GRB10: variants seen among roughly 807,000 people sequenced by gnomAD.
GRB10 encodes growth factor receptor bound protein 10.
Under a neutral mutation model 80.9 loss-of-function variants are expected in GRB10, and 20 were observed. The ratio of observed to expected loss-of-function variants is 0.25; its 90% CI spans 0.17 to 0.36. The LOEUF (loss-of-function observed/expected upper bound fraction) is 0.36, where lower values mean the gene tolerates loss of function less well. GRB10 is among the 10% of genes least tolerant of loss of function. The pLI is 1.00. For missense variants in GRB10, 548 were observed against 747.7 expected, an observed-to-expected ratio of 0.73 and a Z score of 3.12; for synonymous variants, 291 against 291.5, an observed-to-expected ratio of 1.00 and a Z score of 0.02.
chr7:50,674,984 ACACAGC>A (rs889576690), intron 5 of GRB10, among the ~76,000 whole-genome samples: 15 of 152,026 alleles, frequency 9.9e-5, no homozygotes, highest in African/African-American at 1.9e-4. Flanking sequence ...GGTAGGCCGC[ACACAGC>A]CACAGCTGCA....
At chr7:50,626,565 A>G (rs1480558402) in intron 8 of GRB10, among the ~76,000 whole-genome samples, 2 of 152,308 alleles carry the variant, frequency 1.3e-5, no homozygotes, top group African/African-American at 4.8e-5. Context: ...GCCACAGGGA[A>G]CCTCGCCATG....
chr7:50,689,816 G>A (rs553074986), intron 5 of GRB10, among the ~76,000 whole-genome samples: 1 of 146,520 alleles, frequency 6.8e-6, no homozygotes, highest in Non-Finnish European at 1.5e-5. Context: ...ATGACAGAGG[G>A]TTTTTTTTTT....
At chr7:50,748,046 G>A (rs1337521704) in intron 3 of GRB10, among the ~76,000 whole-genome samples, 2 of 152,208 alleles carry the variant, frequency 1.3e-5, no homozygotes, top group African/African-American at 2.4e-5. Flanking sequence ...ATGCGTGCAG[G>A]TGGGAAATTC....
intron 10 of GRB10, chr7:50,617,778 C>T (rs1229610422): frequency 2.0e-6 from 1 of 490,330 alleles, no homozygotes; most frequent in Non-Finnish European, 3.7e-6. Context: ...CCATGCACCC[C>T]CTGGCCCACA....
chr7:50,785,601 T>C (rs897751164), upstream of GRB10, among the ~76,000 whole-genome samples: 23 of 152,208 alleles, frequency 1.5e-4, no homozygotes, highest in Non-Finnish European at 7.3e-5. Flanking sequence ...CAGCCCCACA[T>C]GTGGAACCAT....
At chr7:50,754,390 T>A (rs2074702476) in intron 3 of GRB10, among the ~76,000 whole-genome samples, 1 of 152,026 alleles carries the variant, frequency 6.6e-6, no homozygotes, top group Admixed American at 6.5e-5. Context: ...AGACAATCCA[T>A]CCCAACAGCA....
At chr7:50,674,781 G>A (rs1049396356) in intron 5 of GRB10, 123 bp from the exon 6 acceptor site, 6 of 808,342 alleles carry the variant, frequency 7.4e-6, no homozygotes, top group Non-Finnish European at 1.0e-5. Flanking sequence ...TATGGAAGGG[G>A]TAGAGGGGAA....
chr7:50,725,069 C>T (rs1399097747), intron 4 of GRB10, among the ~76,000 whole-genome samples: 2 of 152,162 alleles, frequency 1.3e-5, no homozygotes, highest in Non-Finnish European at 2.9e-5. Flanking sequence ...CTGCCTGCTG[C>T]CTGCCCTACC....
chr7:50,639,718 AG>A (rs2055851302), intron 7 of GRB10, among the ~76,000 whole-genome samples: 1 of 151,582 alleles, frequency 6.6e-6, no homozygotes, highest in Non-Finnish European at 1.5e-5. Flanking sequence ...AGACCCTAAT[AG>A]GACTTTCCAC....
intron 4 of GRB10, among the ~76,000 whole-genome samples, chr7:50,715,439 C>T (rs997084645): frequency 1.3e-5 from 2 of 152,180 alleles, no homozygotes; most frequent in Non-Finnish European, 2.9e-5. Context: ...AGACCAAACT[C>T]GGGCAGCCAT....
chr7:50,611,924 T>C (rs926888373), intron 13 of GRB10, among the ~76,000 whole-genome samples: 1 of 152,224 alleles, frequency 6.6e-6, no homozygotes, highest in African/African-American at 2.4e-5. Flanking sequence ...CTGGGCCAGC[T>C]AACTTACAAC....
chr7:50,648,304 A>C (rs2057520876), intron 7 of GRB10, among the ~76,000 whole-genome samples: 1 of 152,130 alleles, frequency 6.6e-6, no homozygotes, highest in Admixed American at 6.5e-5. Context: ...GGCAAGCGGA[A>C]GACAGAGAAC....
At chr7:50,650,754 C>A (rs2057909413) in intron 7 of GRB10, among the ~76,000 whole-genome samples, 1 of 152,136 alleles carries the variant, frequency 6.6e-6, no homozygotes, top group African/African-American at 2.4e-5. Context: ...AAGGCTACGA[C>A]ACCAGGTGAG....
chr7:50,686,069 C>T (rs980206590), intron 5 of GRB10, among the ~76,000 whole-genome samples: 9 of 152,136 alleles, frequency 5.9e-5, no homozygotes, highest in East Asian at 1.9e-4. Flanking sequence ...GCTCAGAAAA[C>T]GAACAGAGTT....
chr7:50,624,341 C>A lies in GRB10; in HGVS notation c.661+2481G>T, dbSNP rs2529395. ...AAAGAAGAAGCCCCTGTTGGCCTTG[C>A]GGCCCTTGCGTCCCTTTCCAACGGG... is the stretch of plus-strand genomic sequence containing the variant. On this transcript the variant is annotated intron_variant, in intron 8 of 18. Transcript: ENST00000401949. Among the ~76,000 whole-genome samples the A allele has an allele frequency of 2.0e-5, 3 of 152,232 alleles. No individual in the cohort carries two copies. The South Asian group carries it at 6.2e-4, about 32-fold the overall frequency.
At chr7:50,752,046 G>A (rs2074193064) in intron 3 of GRB10, among the ~76,000 whole-genome samples, 1 of 152,190 alleles carries the variant, frequency 6.6e-6, no homozygotes, top group Non-Finnish European at 1.5e-5. Context: ...CATGAATGAT[G>A]CCTGACCCAA....
At chr7:50,717,432 C>T (rs1457213186) in intron 4 of GRB10, among the ~76,000 whole-genome samples, 2 of 134,724 alleles carry the variant, frequency 1.5e-5, no homozygotes, top group African/African-American at 5.7e-5. Context: ...GACACTCACT[C>T]ACATGAGAAG....
chr7:50,665,089 G>T (rs756104054), intron 7 of GRB10, among the ~76,000 whole-genome samples: 3 of 152,192 alleles, frequency 2.0e-5, no homozygotes, highest in Non-Finnish European at 4.4e-5. Context: ...ACCTTCCAAT[G>T]AAAGTCACTC....
intron 13 of GRB10, among the ~76,000 whole-genome samples, chr7:50,612,412 T>TA (rs1247509525): frequency 1.3e-5 from 2 of 152,170 alleles, no homozygotes; most frequent in Non-Finnish European, 2.9e-5. Context: ...GACTGGCATC[T>TA]AGCAGGCAGA....
Sources: gnomAD v4.1 joint callset for allele counts (sites outside exome capture counted in the v4.1 genomes callset) on GRCh38, gnomAD v4.1.1 for gene constraint, MANE v1.5 for transcripts, NCBI Gene and HGNC (gene_info 2026-07-23, HGNC 2026-07-21) for gene names.